Variants in DCC observed in about 807,000 individuals in gnomAD.
DCC encodes the protein DCC netrin 1 receptor.
DCC carries 58 observed loss-of-function variants against 172.5 expected under a neutral mutation model. The ratio of observed to expected loss-of-function variants is 0.34; its 90% CI spans 0.27 to 0.42. The LOEUF (loss-of-function observed/expected upper bound fraction) is 0.42. DCC is among the 10% of genes least tolerant of loss of function. DCC has a pLI of 1.00. For missense variants in DCC, 1,740 were observed against 1,791.0 expected (o/e 0.97, Z 0.51); for synonymous variants, 709 against 644.5 (o/e 1.10, Z -1.52).
At chr18:52,580,790 T>A (rs574017861) in intron 1 of DCC, among the ~76,000 whole-genome samples, 13 of 152,316 alleles carry the variant, frequency 8.5e-5, no homozygotes, top group African/African-American at 3.1e-4. Flanking sequence ...GTTTTAATTA[T>A]CTCAGCAATT....
intron 15 of DCC, among the ~76,000 whole-genome samples, chr18:53,344,609 T>C (rs1388679658): frequency 1.3e-5 from 2 of 151,662 alleles, no homozygotes; most frequent in Non-Finnish European, 2.9e-5. Context: ...GCCTGGCTAA[T>C]TTTTGTATTT....
At position 52,340,518 on chromosome 18, in the gene DCC, G is replaced by T. The variant is rs1983577493; in HGVS notation, c.-270G>T. ...CGTTTCCTTGAGTTAGTTTTCTAAG[G>T]TTTTACCGGGGCTCGGGATCTCTTG... On this transcript the variant is annotated 5_prime_UTR_variant, in exon 1 of 29. Transcript: ENST00000442544. 1 of 548,650 alleles carries T rather than the reference G, an allele frequency of 1.8e-6. No individual in the cohort carries two copies. The highest frequency in any genetic ancestry group is 3.1e-5 in the Admixed American group (1 of 32,482). 34.0% of individuals were successfully genotyped at this position (548,650 alleles called of 1,614,324 possible). A position where few individuals can be genotyped will look rare whatever the true frequency, so the allele number is the denominator to read the frequency against.
chr18:52,978,835 C>T (rs1340626371), intron 5 of DCC, among the ~76,000 whole-genome samples: 1 of 152,146 alleles, frequency 6.6e-6, no homozygotes, highest in African/African-American at 2.4e-5. Flanking sequence ...CCATTTTTGA[C>T]TTATTTCACT....
At chr18:53,052,923 A>G (rs2042353264) in intron 5 of DCC, among the ~76,000 whole-genome samples, 1 of 152,078 alleles carries the variant, frequency 6.6e-6, no homozygotes, top group Non-Finnish European at 1.5e-5. Flanking sequence ...TGCGAAGATC[A>G]CTTGAGGTCA....
chr18:52,906,455 ATTTC>A (rs531281257), intron 3 of DCC, 127 bp downstream of exon 3: 3 of 999,434 alleles, frequency 3.0e-6, no homozygotes, highest in South Asian at 1.5e-5. Context: ...TTTGTTTATT[ATTTC>A]TTTCTTCCTT....
At chr18:52,587,324 T>C (rs1482479490) in intron 1 of DCC, among the ~76,000 whole-genome samples, 1 of 152,194 alleles carries the variant, frequency 6.6e-6, no homozygotes, top group African/African-American at 2.4e-5. Flanking sequence ...ACTTTGTTCA[T>C]AGACCCATTG....
chr18:53,221,527 C>G (rs1412886436), intron 12 of DCC, among the ~76,000 whole-genome samples: 4 of 152,070 alleles, frequency 2.6e-5, no homozygotes, highest in African/African-American at 9.7e-5. Flanking sequence ...GGATCACATT[C>G]CTTATGTGGG....
intron 5 of DCC, chr18:52,934,625 A>T (rs1388712297): frequency 6.6e-6 from 1 of 152,162 alleles, no homozygotes; most frequent in Non-Finnish European, 1.5e-5. Flanking sequence ...AATGGACAGA[A>T]TTATGTCCTT....
chr18:52,513,815 C>T (rs2031530572), intron 1 of DCC, among the ~76,000 whole-genome samples: 1 of 152,144 alleles, frequency 6.6e-6, no homozygotes, highest in Non-Finnish European at 1.5e-5. Context: ...CAACAGATGT[C>T]CAGCAAAAGT....
chr18:53,162,969 T>A (rs917960264), intron 8 of DCC, among the ~76,000 whole-genome samples: 3 of 152,230 alleles, frequency 2.0e-5, no homozygotes, highest in Non-Finnish European at 2.9e-5. Flanking sequence ...ACTTGATGCC[T>A]TAGCTGAAAT....
chr18:52,468,908 C>T (rs9635902), intron 1 of DCC, among the ~76,000 whole-genome samples: 6,303 of 152,232 alleles, frequency 0.041, 178 homozygotes, highest in South Asian at 0.12. Context: ...CATACAACCA[C>T]AAGTAGTCTA....
At chr18:52,593,496 C>T (rs1454892110) in intron 1 of DCC, among the ~76,000 whole-genome samples, 1 of 152,148 alleles carries the variant, frequency 6.6e-6, no homozygotes, top group Non-Finnish European at 1.5e-5. Flanking sequence ...GTGACCTGCT[C>T]ATATTTTTAT....
At chr18:52,680,287 G>A (rs541835024) in intron 1 of DCC, among the ~76,000 whole-genome samples, 1 of 152,160 alleles carries the variant, frequency 6.6e-6, no homozygotes, top group African/African-American at 2.4e-5. Context: ...ACTAGACCTG[G>A]GGGAATCAAG....
chr18:53,459,379 C>A lies in DCC; in HGVS notation c.3540C>A (p.Ile1180=). The A allele has an allele frequency of 1.9e-6, 3 of 1,614,040 alleles. No homozygotes were observed. The highest frequency in any genetic ancestry group is 2.5e-6 in the Non-Finnish European group (3 of 1,179,956). The change falls in exon 24 of 29, where the codon ATC becomes ATA. Residue 1180 remains isoleucine (I), a synonymous_variant. Coordinates refer to ENST00000442544, the MANE Select transcript of DCC (RefSeq NM_005215.4). The part of the protein sequence containing the change: ...GTDPAGRDSP[I]QSCQDLTPVS... ...ACCCTGCAGGAAGGGACTCTCCCATCCAAAGTTGCCAAGACCTCACACCAG... is the reference window on the plus strand; with the variant it reads ...ACCCTGCAGGAAGGGACTCTCCCATACAAAGTTGCCAAGACCTCACACCAG...
chr18:53,477,063 C>T (rs966601315), intron 25 of DCC, among the ~76,000 whole-genome samples: 4 of 152,146 alleles, frequency 2.6e-5, no homozygotes, highest in Non-Finnish European at 5.9e-5. Context: ...AGCTGCAGTG[C>T]AGTGGTATGA....
At chr18:53,376,067 A>G (rs1369831997) in intron 15 of DCC, among the ~76,000 whole-genome samples, 1 of 151,502 alleles carries the variant, frequency 6.6e-6, no homozygotes, top group African/African-American at 2.5e-5. Flanking sequence ...TCTATTTTCT[A>G]ACGTTGTTGA....
Position 52,679,238 on chromosome 18 carries a change from T to G in DCC, c.92-72816T>G, listed in dbSNP as rs531953171. 6.6e-5 allele frequency among the ~76,000 whole-genome samples: 10 copies of G among 152,196 alleles called. No homozygotes were observed. In the East Asian group the frequency reaches 1.9e-3, roughly 29 times the overall value. On this transcript the variant is annotated intron_variant, in intron 1 of 28. Coordinates refer to ENST00000442544, the MANE Select transcript of DCC (RefSeq NM_005215.4). ...ATTATAATTACCATCATAATTTTCC[T>G]GTTATTATTTTTAAAATTTTAGATA...
intron 1 of DCC, among the ~76,000 whole-genome samples, chr18:52,668,843 T>C (rs2144964237): frequency 6.6e-6 from 1 of 152,332 alleles, no homozygotes; most frequent in South Asian, 2.1e-4. Context: ...ACAAATTATT[T>C]TGGTGCTCAA....
chr18:52,573,760 A>G (rs1003016142), intron 1 of DCC, among the ~76,000 whole-genome samples: 1 of 152,194 alleles, frequency 6.6e-6, no homozygotes, highest in Non-Finnish European at 1.5e-5. Flanking sequence ...TCCCTTTTTT[A>G]ACTGGATGAA....
Sources: allele counts gnomAD v4.1 joint callset (sites outside exome capture counted in the v4.1 genomes callset), GRCh38; gene constraint gnomAD v4.1.1; transcripts MANE v1.5; gene names NCBI Gene and HGNC (gene_info 2026-07-23, HGNC 2026-07-21).